TOMM7: variants seen among roughly 807,000 people sequenced by gnomAD.
TOMM7 encodes mitochondrial import receptor subunit TOM7 homolog.
In TOMM7, 8 loss-of-function variants were observed where a neutral mutation model predicts 9.5. The observed-to-expected ratio is 0.84, with a 90% CI of 0.49 to 1.51. The LOEUF is 1.51. TOMM7 is among the 40% of genes most tolerant of loss of function. The pLI is 0.00. For synonymous variants in TOMM7, 27 were observed against 21.4 expected (o/e 1.26, Z -0.72); for missense variants, 74 against 63.7 (o/e 1.16, Z -0.55).
At chr7:22,819,617 C>A (rs1015324602) in intron 1 of TOMM7, among the ~76,000 whole-genome samples, 1 of 152,182 alleles carries the variant, frequency 6.6e-6, no homozygotes, top group Non-Finnish European at 1.5e-5. Flanking sequence ...GTAATCCACC[C>A]GCCCCAGCCT....
intron 1 of TOMM7, among the ~76,000 whole-genome samples, chr7:22,819,902 T>G (rs1183664982): frequency 6.6e-6 from 1 of 152,204 alleles, no homozygotes; most frequent in African/African-American, 2.4e-5. Flanking sequence ...AGACAGATTC[T>G]CTATTATCGT....
At chr7:22,820,667 G>A (rs972065426) in intron 1 of TOMM7, among the ~76,000 whole-genome samples, 1 of 152,220 alleles carries the variant, frequency 6.6e-6, no homozygotes, top group African/African-American at 2.4e-5. Context: ...TGACCAGCCA[G>A]AGTAGGCCCT....
intron 2 of TOMM7, among the ~76,000 whole-genome samples, chr7:22,814,084 C>G (rs1782285434): frequency 6.7e-6 from 1 of 150,338 alleles, no homozygotes; most frequent in Non-Finnish European, 1.5e-5. Context: ...GCCTGTAATC[C>G]CAGTACTTTG....
rs530353412 is a variant in TOMM7, at chr7:22,814,412, G to C, written c.153-1227C>G. On this transcript the variant is annotated intron_variant, in intron 2 of 2. Transcript: ENST00000358435. Reference sequence around the variant, plus strand: ...CGCGTGCCTGTGGTCCTGGCTACTCGGGAGGCTGAGGTGGGAGGACCACCT... The same window carrying C: ...CGCGTGCCTGTGGTCCTGGCTACTCCGGAGGCTGAGGTGGGAGGACCACCT... Among the ~76,000 whole-genome samples, 5 of 149,482 alleles carry C rather than the reference G, an allele frequency of 3.3e-5. No individual in the cohort carries two copies. The South Asian group carries it at 1.1e-3, about 32-fold the overall frequency.
chr7:22,820,662 AGCC>A (rs1782375216), intron 1 of TOMM7, among the ~76,000 whole-genome samples: 1 of 152,226 alleles, frequency 6.6e-6, no homozygotes, highest in Admixed American at 6.5e-5. Flanking sequence ...GTGTTTGACC[AGCC>A]AGAGTAGGCC....
chr7:22,815,620 T>G (rs1782307806), intron 2 of TOMM7, among the ~76,000 whole-genome samples: 1 of 152,192 alleles, frequency 6.6e-6, no homozygotes, highest in Non-Finnish European at 1.5e-5. Context: ...GTTGAGCAAC[T>G]ACTTTAGGTG....
At chr7:22,814,573 G>C (rs1309597735) in intron 2 of TOMM7, among the ~76,000 whole-genome samples, 1 of 152,024 alleles carries the variant, frequency 6.6e-6, no homozygotes, top group Non-Finnish European at 1.5e-5. Context: ...AATATAAAAA[G>C]GAAATCTTGC....
intron 2 of TOMM7, among the ~76,000 whole-genome samples, chr7:22,815,016 A>G (rs549465244): frequency 6.6e-6 from 1 of 152,220 alleles, no homozygotes; most frequent in Non-Finnish European, 1.5e-5. Context: ...AGCACAGTAC[A>G]TGAAATTCCG....
chr7:22,816,412 C>A (rs1486155835), intron 2 of TOMM7, among the ~76,000 whole-genome samples: 1 of 152,180 alleles, frequency 6.6e-6, no homozygotes, highest in African/African-American at 2.4e-5. Flanking sequence ...GGCCACTCAA[C>A]TAGTAGGCAG....
chr7:22,822,092 T>G, intron 1 of TOMM7: 1 of 1,533,864 alleles, frequency 6.5e-7, no homozygotes, highest in East Asian at 2.5e-5. Context: ...AGCCCCTAAC[T>G]CCCTCAGTCA....
At chr7:22,814,348 T>C (rs1187683803) in intron 2 of TOMM7, among the ~76,000 whole-genome samples, 1 of 41,272 alleles carries the variant, frequency 2.4e-5, no homozygotes, top group Non-Finnish European at 4.1e-5. Context: ...AGACTCCGAC[T>C]CAAAAAAAAA....
chr7:22,820,023 T>C (rs777983124), intron 1 of TOMM7, among the ~76,000 whole-genome samples: 15 of 151,798 alleles, frequency 9.9e-5, no homozygotes, highest in Non-Finnish European at 1.9e-4. Context: ...TTAGTGAGAG[T>C]TGAGGTGGAG....
chr7:22,822,419 G>A (rs955476958), intron 1 of TOMM7: 1 of 846,880 alleles, frequency 1.2e-6, no homozygotes, highest in South Asian at 1.8e-5. Flanking sequence ...ACAATCCCGA[G>A]AAATATGACC....
chr7:22,822,460 A>T, intron 1 of TOMM7: 1 of 713,608 alleles, frequency 1.4e-6, no homozygotes, highest in Non-Finnish European at 2.3e-6. Context: ...ATAGAAAAGG[A>T]GGGATTGCAA....
intron 1 of TOMM7, among the ~76,000 whole-genome samples, chr7:22,819,407 C>T (rs753752098): frequency 7.3e-5 from 11 of 150,108 alleles, no homozygotes; most frequent in Admixed American, 6.0e-4. Flanking sequence ...CTCGCTCTGT[C>T]GCCAGGCTGG....
At chr7:22,821,283 C>T (rs1782385739) in intron 1 of TOMM7, among the ~76,000 whole-genome samples, 1 of 151,896 alleles carries the variant, frequency 6.6e-6, no homozygotes, top group East Asian at 1.9e-4. Context: ...TGGTGGCGGG[C>T]GCTGTAGTCC....
At chr7:22,819,443 C>T (rs1221732831) in intron 1 of TOMM7, among the ~76,000 whole-genome samples, 1 of 152,108 alleles carries the variant, frequency 6.6e-6, no homozygotes, top group East Asian at 1.9e-4. Context: ...TCTCAGCTCA[C>T]TGCAACCTTC....
chr7:22,822,617 G>T (rs1459127738), intron 1 of TOMM7, 60 bp downstream of exon 1: 2 of 1,475,546 alleles, frequency 1.4e-6, no homozygotes, highest in African/African-American at 2.8e-5. Flanking sequence ...CCAAAAATGG[G>T]GCTGCTGTCT....
intron 2 of TOMM7, among the ~76,000 whole-genome samples, chr7:22,813,454 C>T (rs908262565): frequency 3.3e-5 from 5 of 152,034 alleles, no homozygotes; most frequent in South Asian, 4.1e-4. Flanking sequence ...AAAAGGAAAA[C>T]GATTACTGAT....
Sources: allele counts gnomAD v4.1 joint callset (sites outside exome capture counted in the v4.1 genomes callset), GRCh38; gene constraint gnomAD v4.1.1; transcripts MANE v1.5; gene names NCBI Gene and HGNC (gene_info 2026-07-23, HGNC 2026-07-21).